The following ACTN3 variants were observed in gnomAD, a reference collection of about 807,000 sequenced individuals.
The protein encoded by ACTN3 is actinin alpha 3.
A neutral mutation model predicts 119.6 loss-of-function variants in ACTN3; 91 were observed. That is an observed-to-expected ratio of 0.76 (90% CI 0.64 to 0.91). The LOEUF is 0.91. ACTN3 is among the 40% of genes least tolerant of loss of function. The pLI is 0.00. For synonymous variants in ACTN3, 456 were observed against 478.8 expected, an observed-to-expected ratio of 0.95 and a Z score of 0.62; for missense variants, 1,221 against 1,215.1, an observed-to-expected ratio of 1.00 and a Z score of -0.07.
At chr11:66,546,471 A>G (rs1178976357), upstream of ACTN3, 1 of 1,487,198 alleles carries the variant, frequency 6.7e-7, no homozygotes, top group South Asian at 1.2e-5. Context: ...CCCAGAAAAC[A>G]TGCAAAACAG....
rs747098309 is a variant in ACTN3, at chr11:66,555,184, C to G, written c.612C>G (p.Leu204=). 1 of 1,614,090 alleles carries G rather than the reference C, an allele frequency of 6.2e-7. No homozygotes were observed. Among genetic ancestry groups the G allele is most frequent in the South Asian group, 1.1e-5 (1 of 91,076 alleles). The part of the protein sequence containing the change: ...CALIHRHRPD[L]IDYAKLRKDD... ...TCATCCACCGACACCGCCCTGACCT[C>G]ATCGACTACGCCAAACTGCGAAAGG... Residue 204 remains leucine, a synonymous_variant, in exon 6 of 21, where the codon CTC becomes CTG. Coordinates refer to ENST00000513398, the MANE Select transcript of ACTN3 (RefSeq NM_001104.4).
chr11:66,557,987 G>A (rs998531762), intron 10 of ACTN3, 40 bp from the exon 11 acceptor site: 2 of 1,613,358 alleles, frequency 1.2e-6, no homozygotes, highest in Admixed American at 1.7e-5. Context: ...TCTGTACAAT[G>A]GGCAAACCGT....
chr11:66,559,488 T>C, intron 12 of ACTN3, 102 bp downstream of exon 12: 1 of 1,221,816 alleles, frequency 8.2e-7, no homozygotes, highest in Non-Finnish European at 1.1e-6. Flanking sequence ...CACTAGGCTC[T>C]CCTGGGTTCT....
chr11:66,553,958 G>A (rs1283327489), intron 3 of ACTN3, 87 bp from the exon 4 acceptor site: 2 of 1,119,794 alleles, frequency 1.8e-6, no homozygotes, highest in Admixed American at 3.8e-5. Context: ...AGGGCCAGAG[G>A]GCTGATCAGA....
chr11:66,555,172 C>T lies in ACTN3; in HGVS notation c.600C>T (p.His200=). The part of the protein sequence containing the change: ...GLALCALIHR[H]RPDLIDYAKL... Reference sequence around the variant, plus strand: ...CCCTCTGTGCCCTCATCCACCGACACCGCCCTGACCTCATCGACTACGCCA... The same window carrying T: ...CCCTCTGTGCCCTCATCCACCGACATCGCCCTGACCTCATCGACTACGCCA... Residue 200 remains histidine, a synonymous_variant, in exon 6 of 21, where the codon CAC becomes CAT. Transcript: ENST00000513398. 4.3e-6 allele frequency: 7 copies of T among 1,614,058 alleles called. No individual in the cohort carries two copies. The highest frequency in any genetic ancestry group is 3.3e-5 in the South Asian group (3 of 91,074).
chr11:66,561,697 G>A, intron 17 of ACTN3, 60 bp downstream of exon 17: 7 of 1,540,584 alleles, frequency 4.5e-6, no homozygotes, highest in Non-Finnish European at 6.1e-6. Context: ...GGCCCAGGGA[G>A]ATCACAGCTG....
chr11:66,546,524 T>C (rs777535116), upstream of ACTN3: 3 of 1,535,198 alleles, frequency 2.0e-6, no homozygotes, highest in African/African-American at 2.7e-5. Flanking sequence ...GGGATAGGGC[T>C]CTGTGTCCCA....
At chr11:66,551,202 C>T in intron 1 of ACTN3, 37 bp from the exon 2 acceptor site, 1 of 1,457,582 alleles carries the variant, frequency 6.9e-7, no homozygotes, top group Non-Finnish European at 9.5e-7. Context: ...TCCCCCAGAG[C>T]CAGTCGTAGG....
chr11:66,557,553 TG>T, intron 9 of ACTN3, 145 bp from the exon 10 acceptor site: 1 of 825,172 alleles, frequency 1.2e-6, no homozygotes, highest in Non-Finnish European at 1.9e-6. Context: ...CTCTGACTTG[TG>T]GGGACTACCC....
At position 66,561,361 on chromosome 11, in the gene ACTN3, G is replaced by C; in HGVS notation, c.1995G>C (p.Glu665Asp). ...GACCCTGGATCCAGGCGAAGGTGGA[G>C]GTAAGGGCTGGGATAGTGGGTCCAA... is the stretch of plus-strand genomic sequence containing the variant. The part of the protein sequence containing the change: ...AIGPWIQAKV[E>D]EVGRLAAGLA... Residue 665 changes from glutamate (E) to aspartate (D), a missense_variant and splice_region_variant, in exon 16 of 21, where the codon GAG (glutamate) becomes GAC (aspartate). Transcript: ENST00000513398. 6.2e-7 allele frequency: 1 copy of C among 1,609,700 alleles called. No homozygotes were observed. Among genetic ancestry groups the C allele is most frequent in the South Asian group, 1.1e-5 (1 of 90,394 alleles).
intron 4 of ACTN3, 39 bp downstream of exon 4, chr11:66,554,170 G>T: frequency 6.3e-7 from 1 of 1,580,580 alleles, no homozygotes. Context: ...AGGTGCAGTG[G>T]CTGGGGCCTG....
Position 66,559,367 on chromosome 11 carries a change from G to T in ACTN3, c.1408G>T (p.Ala470Ser). The T allele has an allele frequency of 6.4e-7, 1 of 1,551,946 alleles. No individual in the cohort carries two copies. The highest frequency in any genetic ancestry group is 8.7e-7 in the Non-Finnish European group (1 of 1,154,858). Reference sequence around the variant, plus strand: ...CCAGGACCGCGTGGAGCACATTGCCGCGCTGGCCCAGGAGCTCAAGTAGGC... The same window carrying T: ...CCAGGACCGCGTGGAGCACATTGCCTCGCTGGCCCAGGAGCTCAAGTAGGC... ...AHQDRVEHIAALAQELNELDY... is the reference protein window; with the variant it reads ...AHQDRVEHIASLAQELNELDY... Residue 470 changes from alanine (A) to serine (S), a missense_variant, in exon 12 of 21, where the codon GCG becomes TCG. Coordinates refer to ENST00000513398, the MANE Select transcript of ACTN3 (RefSeq NM_001104.4).
Position 66,563,212 on chromosome 11 carries a change from T to C in ACTN3, c.*19T>C, listed in dbSNP as rs2134946664. On this transcript the variant is annotated 3_prime_UTR_variant, in exon 21 of 21. Coordinates refer to ENST00000513398, the MANE Select transcript of ACTN3 (RefSeq NM_001104.4). The stretch of plus-strand genomic sequence containing the variant: ...CCTTTGACCCCAACCACTGAGGTTC[T>C]CTATGCAAGATGGAGAGAGGATGCA... 1 of 1,583,768 alleles carries C rather than the reference T, an allele frequency of 6.3e-7. No homozygotes were observed. The highest frequency in any genetic ancestry group is 8.6e-7 in the Non-Finnish European group (1 of 1,161,698).
intron 9 of ACTN3, 124 bp from the exon 10 acceptor site, chr11:66,557,575 T>C: frequency 1.0e-6 from 1 of 986,238 alleles, no homozygotes; most frequent in Non-Finnish European, 1.5e-6. Flanking sequence ...CATCCTGCTT[T>C]CGTAGTTGTC....
intron 9 of ACTN3, 112 bp downstream of exon 9, chr11:66,557,337 G>A: frequency 2.8e-6 from 3 of 1,060,646 alleles, no homozygotes; most frequent in Non-Finnish European, 4.2e-6. Context: ...AGTAGCCCTG[G>A]CTTCCTCCCA....
At chr11:66,561,106 A>G (rs1250366934) in intron 15 of ACTN3, 121 bp from the exon 16 acceptor site, 3 of 1,346,474 alleles carry the variant, frequency 2.2e-6, no homozygotes, top group East Asian at 2.6e-5. Flanking sequence ...GCTTTCTCGT[A>G]TATCCCAGAC....
At chr11:66,550,198 C>T (rs1457140252) in intron 1 of ACTN3, among the ~76,000 whole-genome samples, 1 of 152,210 alleles carries the variant, frequency 6.6e-6, no homozygotes, top group East Asian at 1.9e-4. Flanking sequence ...GAAGACCAAG[C>T]CCCGAAGAGG....
Position 66,551,662 on chromosome 11 carries a change from G to A in ACTN3, c.382+15G>A, listed in dbSNP as rs1308503813. 2.5e-6 allele frequency: 4 copies of A among 1,612,950 alleles called. No homozygotes were observed. Among genetic ancestry groups the A allele is most frequent in the Non-Finnish European group, 3.4e-6 (4 of 1,179,984 alleles). ...TGGTGCTGAAGGTGAGGAGGTGGCA[G>A]GAAGGGTCTTGGGCAGGGCACAGGG... On this transcript the variant is annotated intron_variant, in intron 3 of 20. Transcript: ENST00000513398.
intron 1 of ACTN3, among the ~76,000 whole-genome samples, chr11:66,548,732 G>A (rs936189169): frequency 6.6e-6 from 1 of 152,040 alleles, no homozygotes; most frequent in African/African-American, 2.4e-5. Flanking sequence ...GGAGCAGCAC[G>A]CTGCCTCCTC....
Sources: allele counts gnomAD v4.1 joint callset (sites outside exome capture counted in the v4.1 genomes callset), GRCh38; gene constraint gnomAD v4.1.1; transcripts MANE v1.5; gene names NCBI Gene and HGNC (gene_info 2026-07-23, HGNC 2026-07-21).